Variants in UBE3C observed in about 807,000 individuals in gnomAD.
The protein encoded by UBE3C is ubiquitin protein ligase E3C, also known as ubiquitin-protein ligase E3C.
A neutral mutation model predicts 129.4 loss-of-function variants in UBE3C; 42 were observed. The observed-to-expected ratio is 0.32, with a 90% CI of 0.25 to 0.42. The LOEUF is 0.42. Among genes scored for constraint, UBE3C ranks in the 10% least tolerant of loss-of-function variants. UBE3C has a pLI of 1.00. For synonymous variants in UBE3C, 510 were observed against 492.4 expected (o/e 1.04, Z -0.47); for missense variants, 1,049 against 1,319.1 (o/e 0.80, Z 3.17).
At chr7:157,145,674 T>C (rs565678240) in intron 1 of UBE3C, among the ~76,000 whole-genome samples, 27 of 152,258 alleles carry the variant, frequency 1.8e-4, no homozygotes, top group Admixed American at 9.2e-4. Flanking sequence ...TTCAGATTGG[T>C]TTCTTTCACT....
chr7:157,224,415 C>G (rs569175282), intron 16 of UBE3C, among the ~76,000 whole-genome samples: 9 of 151,964 alleles, frequency 5.9e-5, no homozygotes, highest in Admixed American at 4.6e-4. Flanking sequence ...AGGATGGTCT[C>G]GATCTCCTGA....
chr7:157,163,763 A>G, intron 1 of UBE3C, 47 bp from the exon 2 acceptor site: 2 of 1,587,224 alleles, frequency 1.3e-6, no homozygotes, highest in African/African-American at 1.4e-5. Flanking sequence ...GGGAGTTTTA[A>G]AATTGAAATT....
chr7:157,266,588 G>C (rs1797084636), intron 22 of UBE3C, among the ~76,000 whole-genome samples: 1 of 152,106 alleles, frequency 6.6e-6, no homozygotes, highest in South Asian at 2.1e-4. Flanking sequence ...TGTTTAATGT[G>C]CTTCTAAAAC....
chr7:157,246,491 G>C (rs1796480104), intron 18 of UBE3C, among the ~76,000 whole-genome samples: 1 of 152,234 alleles, frequency 6.6e-6, no homozygotes, highest in African/African-American at 2.4e-5. Flanking sequence ...TGAGTTGACT[G>C]TCTCATGGAT....
At chr7:157,187,751 T>C (rs567801504) in intron 10 of UBE3C, among the ~76,000 whole-genome samples, 1 of 152,102 alleles carries the variant, frequency 6.6e-6, no homozygotes, top group South Asian at 2.1e-4. Flanking sequence ...TAATTTTTTG[T>C]ATTTTTAGTA....
Position 157,170,431 on chromosome 7 carries a change from A to G in UBE3C, c.323A>G (p.Asn108Ser), listed in dbSNP as rs1309705716. The change falls in exon 4 of 23, where the codon AAT becomes AGT. Residue 108 changes from asparagine to serine, a missense_variant. This residue lies in a region of UBE3C where 489 missense variants were observed against 513.8 expected (regional missense o/e 0.95). Coordinates refer to ENST00000348165, the MANE Select transcript of UBE3C (RefSeq NM_014671.3). ...VRQLLFFYKQ[N>S]EDSKRLIWLY... ...CAGCTTCTGTTTTTTTACAAACAAA[A>G]TGAAGACTCAAAACGTTTGGTGAGT... 3.2e-6 allele frequency: 5 copies of G among 1,557,028 alleles called. No individual in the cohort carries two copies. Among genetic ancestry groups the G allele is most frequent in the Admixed American group, 4.2e-5 (2 of 47,472 alleles).
At chr7:157,153,022 C>G (rs536287312) in intron 1 of UBE3C, among the ~76,000 whole-genome samples, 2 of 152,092 alleles carry the variant, frequency 1.3e-5, no homozygotes, top group African/African-American at 4.8e-5. Context: ...ATGGCGAAAC[C>G]CTGTCTCTAC....
At chr7:157,201,219 G>A (rs887365337) in intron 10 of UBE3C, among the ~76,000 whole-genome samples, 10 of 152,058 alleles carry the variant, frequency 6.6e-5, no homozygotes, top group African/African-American at 2.4e-4. Flanking sequence ...AGGTACTCAG[G>A]ATGCTGAGAC....
intron 1 of UBE3C, among the ~76,000 whole-genome samples, chr7:157,156,896 A>T (rs1424187597): frequency 6.6e-6 from 1 of 152,154 alleles, no homozygotes; most frequent in African/African-American, 2.4e-5. Context: ...CCAAAAAAAT[A>T]AAGCTGACTC....
At chr7:157,189,263 A>G (rs1808889777) in intron 10 of UBE3C, 1 of 283,256 alleles carries the variant, frequency 3.5e-6, no homozygotes, top group Non-Finnish European at 6.4e-6. Context: ...TTAATATTTT[A>G]AAATTGGTTA....
In UBE3C at chr7:157,139,332, C is replaced by T. The variant is rs1586635244; in HGVS notation, c.60C>T (p.Ser20=). The T allele has an allele frequency of 6.3e-7, 1 of 1,581,644 alleles. No homozygotes were observed. Among genetic ancestry groups the T allele is most frequent in the Non-Finnish European group, 8.5e-7 (1 of 1,171,960 alleles). Residue 20 remains serine, a synonymous_variant, in exon 1 of 23, where the codon AGC becomes AGT. Transcript: ENST00000348165. The part of the protein sequence containing the change: ...TRPKVSLGGA[S]RKEEKASLLH... The stretch of plus-strand genomic sequence containing the variant: ...CCAAGGTGTCCCTTGGCGGCGCGAG[C>T]AGGAAGGTGAGGGCCGGGCTGGCGG...
intron 8 of UBE3C, among the ~76,000 whole-genome samples, chr7:157,182,762 G>A (rs1167925028): frequency 6.6e-6 from 1 of 151,860 alleles, no homozygotes; most frequent in Non-Finnish European, 1.5e-5. Flanking sequence ...GTTGGGTGCG[G>A]GGGGGTATAT....
intron 1 of UBE3C, 60 bp downstream of exon 1, chr7:157,139,398 C>CAGGGACTCGGGG: frequency 1.3e-6 from 1 of 749,756 alleles, no homozygotes; most frequent in Non-Finnish European, 2.0e-6. Context: ...GGGCTCGGGG[C>CAGGGACTCGGGG]TGGGACTCGG....
intron 22 of UBE3C, 72 bp downstream of exon 22, chr7:157,257,116 G>A: frequency 6.4e-7 from 1 of 1,574,262 alleles, no homozygotes; most frequent in Non-Finnish European, 8.6e-7. Context: ...ATTCAGTAGG[G>A]TTAAATGAAG....
At chr7:157,150,003 C>T (rs1211879564) in intron 1 of UBE3C, among the ~76,000 whole-genome samples, 1 of 152,210 alleles carries the variant, frequency 6.6e-6, no homozygotes, top group African/African-American at 2.4e-5. Flanking sequence ...GGTCAAATTA[C>T]AGGCTGTAAT....
intron 1 of UBE3C, among the ~76,000 whole-genome samples, chr7:157,160,185 C>T (rs1808030603): frequency 6.6e-6 from 1 of 152,000 alleles, no homozygotes; most frequent in Non-Finnish European, 1.5e-5. Context: ...AGTGATTCTC[C>T]TGCCTCAGGC....
chr7:157,231,697 C>T (rs924300675), intron 18 of UBE3C: 5 of 254,360 alleles, frequency 2.0e-5, no homozygotes, highest in South Asian at 4.8e-5. Context: ...GTGCCGCCTC[C>T]GGACTCTGCA....
Position 157,178,759 on chromosome 7 carries a change from G to C in UBE3C, c.528G>C (p.Ser176=), listed in dbSNP as rs78015355. 428 of 1,614,114 alleles carry C rather than the reference G, an allele frequency of 2.7e-4. 1 individual carries two copies. In the African/African-American group the frequency reaches 5.2e-3, roughly 20 times the overall value. ...ALPMRMLEVF[S]SENTYLPVLQ... ...CAATGAGAATGCTTGAAGTATTTTC[G>C]TCTGAGAATACTTACTTGCCTGTTT... Residue 176 remains serine, a synonymous_variant, in exon 6 of 23, where the codon TCG becomes TCC. Coordinates refer to ENST00000348165, the MANE Select transcript of UBE3C (RefSeq NM_014671.3).
chr7:157,142,960 C>T (rs1422712861), intron 1 of UBE3C, among the ~76,000 whole-genome samples: 15 of 151,970 alleles, frequency 9.9e-5, no homozygotes, highest in African/African-American at 2.2e-4. Context: ...CTCCACCTCC[C>T]GGGTTCAAGC....
Sources: allele counts gnomAD v4.1 joint callset (sites outside exome capture counted in the v4.1 genomes callset), GRCh38; gene constraint gnomAD v4.1.1; regional missense constraint gnomAD v4.1.1; transcripts MANE v1.5; gene names NCBI Gene and HGNC (gene_info 2026-07-23, HGNC 2026-07-21).